Variants in GAREM1 observed in about 807,000 individuals in gnomAD.
GAREM1 encodes GRB2-associated and regulator of MAPK protein 1.
GAREM1 carries 26 observed loss-of-function variants against 71.3 expected under a neutral mutation model. That is an observed-to-expected ratio of 0.36 (90% confidence interval 0.27 to 0.51). The LOEUF (loss-of-function observed/expected upper bound fraction) is 0.51, where lower values mean the gene tolerates loss of function less well. Ranked by LOEUF, GAREM1 falls within the 20% of genes least tolerant of loss-of-function variation. The pLI is 0.95. For missense variants in GAREM1, 1,026 were observed against 1,103.1 expected (o/e 0.93, Z 0.99); for synonymous variants, 440 against 433.2 (o/e 1.02, Z -0.20).
At chr18:32,302,992 G>A (rs1205915135) in intron 3 of GAREM1, among the ~76,000 whole-genome samples, 1 of 152,306 alleles carries the variant, frequency 6.6e-6, no homozygotes, top group South Asian at 2.1e-4. Flanking sequence ...CTCAGCTCCT[G>A]GGCAGACCAC....
At chr18:32,323,273 C>G (rs140285956) in intron 2 of GAREM1, among the ~76,000 whole-genome samples, 1 of 152,146 alleles carries the variant, frequency 6.6e-6, no homozygotes, top group African/African-American at 2.4e-5. Flanking sequence ...CTAGCTGATG[C>G]TGTTGTATTT....
intron 3 of GAREM1, among the ~76,000 whole-genome samples, chr18:32,298,536 C>A (rs1203627600): frequency 6.6e-6 from 1 of 152,024 alleles, no homozygotes; most frequent in Non-Finnish European, 1.5e-5. Context: ...TCTAATAGGT[C>A]TGATCCAGGA....
At chr18:32,463,568 CTTTTTTT>C (rs138799660) in intron 1 of GAREM1, among the ~76,000 whole-genome samples, 1 of 131,722 alleles carries the variant, frequency 7.6e-6, no homozygotes, top group African/African-American at 2.8e-5. Flanking sequence ...TTTTAAATCA[CTTTTTTT>C]TTTTTTTTTT....
intron 2 of GAREM1, among the ~76,000 whole-genome samples, chr18:32,359,459 T>C (rs1186467824): frequency 1.3e-5 from 2 of 152,222 alleles, no homozygotes; most frequent in Non-Finnish European, 2.9e-5. Context: ...ATTCAGTTTA[T>C]ACTATACAGT....
At chr18:32,433,937 C>T (rs74993416) in intron 1 of GAREM1, among the ~76,000 whole-genome samples, 2,042 of 151,952 alleles carry the variant, frequency 0.013, 41 homozygotes, top group Non-Finnish European at 0.014. Context: ...AAAACTGATT[C>T]TAATATTTAT....
chr18:32,456,646 A>G (rs893155281), intron 1 of GAREM1, among the ~76,000 whole-genome samples: 3 of 152,158 alleles, frequency 2.0e-5, no homozygotes, highest in Non-Finnish European at 4.4e-5. Flanking sequence ...TAGGAAATGA[A>G]AAGAATCAGG....
intron 2 of GAREM1, among the ~76,000 whole-genome samples, chr18:32,347,359 TAAAAAC>T (rs1165082342): frequency 6.6e-6 from 1 of 151,762 alleles, no homozygotes; most frequent in Non-Finnish European, 1.5e-5. Context: ...AAATTATAAA[TAAAAAC>T]AAAAGAAAAC....
At chr18:32,464,937 G>C (rs576757742) in intron 1 of GAREM1, among the ~76,000 whole-genome samples, 1 of 152,204 alleles carries the variant, frequency 6.6e-6, no homozygotes, top group African/African-American at 2.4e-5. Flanking sequence ...GCTTAGTTAA[G>C]TGTTAGTTGA....
chr18:32,371,169 G>A (rs2047974709), intron 2 of GAREM1, among the ~76,000 whole-genome samples: 1 of 152,090 alleles, frequency 6.6e-6, no homozygotes. Context: ...GACATGGCAT[G>A]TGCAGGGAAC....
intron 4 of GAREM1, among the ~76,000 whole-genome samples, chr18:32,274,518 C>T (rs552883263): frequency 6.6e-4 from 101 of 152,282 alleles, no homozygotes; most frequent in African/African-American, 2.2e-3. Context: ...CTGTCTCCGA[C>T]GGCTCCCTCT....
At chr18:32,315,269 A>G (rs1003200663) in intron 2 of GAREM1, among the ~76,000 whole-genome samples, 3 of 152,128 alleles carry the variant, frequency 2.0e-5, no homozygotes, top group African/African-American at 7.2e-5. Context: ...CTATAGTGCT[A>G]TCTAGCAGAA....
intron 1 of GAREM1, among the ~76,000 whole-genome samples, chr18:32,423,422 T>C (rs1599037369): frequency 6.6e-6 from 1 of 152,256 alleles, no homozygotes; most frequent in East Asian, 1.9e-4. Flanking sequence ...TACTTCATTA[T>C]TCTGTTTATC....
chr18:32,284,232 T>A (rs965543036), intron 4 of GAREM1, among the ~76,000 whole-genome samples: 4 of 152,186 alleles, frequency 2.6e-5, no homozygotes, highest in African/African-American at 9.7e-5. Flanking sequence ...CCTAATTTTT[T>A]TAAAAAAAAC....
At chr18:32,452,958 G>A (rs2048854238) in intron 1 of GAREM1, among the ~76,000 whole-genome samples, 1 of 151,724 alleles carries the variant, frequency 6.6e-6, no homozygotes, top group African/African-American at 2.4e-5. Context: ...GCTTGAGTAT[G>A]TGTCTTTAAC....
intron 1 of GAREM1, among the ~76,000 whole-genome samples, chr18:32,415,480 T>C (rs528706228): frequency 3.4e-4 from 51 of 152,106 alleles, no homozygotes; most frequent in Middle Eastern, 3.4e-3. Flanking sequence ...TTCAACAAAA[T>C]ACTAGCAAAC....
chr18:32,334,144 A>ACTT (rs1182116447), intron 2 of GAREM1, among the ~76,000 whole-genome samples: 1 of 152,216 alleles, frequency 6.6e-6, no homozygotes, highest in African/African-American at 2.4e-5. Context: ...CCAGCCAGAT[A>ACTT]CTTCAATTCC....
At chr18:32,401,691 G>A (rs1413287491) in intron 1 of GAREM1, among the ~76,000 whole-genome samples, 1 of 152,206 alleles carries the variant, frequency 6.6e-6, no homozygotes, top group African/African-American at 2.4e-5. Flanking sequence ...AGAAACCAGA[G>A]CCATGGGGCG....
At chr18:32,359,989 T>A (rs2047849628) in intron 2 of GAREM1, among the ~76,000 whole-genome samples, 1 of 152,076 alleles carries the variant, frequency 6.6e-6, no homozygotes, top group Middle Eastern at 3.4e-3. Context: ...CACCTCTATC[T>A]ATACAATGTA....
At chr18:32,328,975 G>A (rs535487696) in intron 2 of GAREM1, among the ~76,000 whole-genome samples, 3 of 152,228 alleles carry the variant, frequency 2.0e-5, no homozygotes, top group Admixed American at 6.5e-5. Flanking sequence ...ATACAATGAC[G>A]GGCAAAGAAC....
Sources: gnomAD v4.1 joint callset for allele counts (sites outside exome capture counted in the v4.1 genomes callset) on GRCh38, gnomAD v4.1.1 for gene constraint, MANE v1.5 for transcripts, NCBI Gene and HGNC (gene_info 2026-07-23, HGNC 2026-07-21) for gene names.